ADAMTS7: variants seen among roughly 807,000 people sequenced by gnomAD.
The protein encoded by ADAMTS7 is ADAM metallopeptidase with thrombospondin type 1 motif 7, also known as A disintegrin and metalloproteinase with thrombospondin motifs 7.
A neutral mutation model predicts 172.6 loss-of-function variants in ADAMTS7; 89 were observed. The ratio of observed to expected loss-of-function variants is 0.52; its 90% CI spans 0.43 to 0.61. The LOEUF (loss-of-function observed/expected upper bound fraction) is 0.61. Ranked by LOEUF, ADAMTS7 falls within the 20% of genes least tolerant of loss-of-function variation. The pLI is 0.00. For synonymous variants in ADAMTS7, 885 were observed against 978.4 expected, an observed-to-expected ratio of 0.90 and a Z score of 1.78; for missense variants, 1,973 against 2,355.6, an observed-to-expected ratio of 0.84 and a Z score of 3.36.
chr15:78,797,880 T>C, intron 3 of ADAMTS7, 68 bp downstream of exon 3: 1 of 1,538,064 alleles, frequency 6.5e-7, no homozygotes, highest in Non-Finnish European at 8.7e-7. Context: ...TAAGGGGGGC[T>C]TCTAGAAAGG....
chr15:78,797,748 T>G (rs1485764192), intron 3 of ADAMTS7, among the ~76,000 whole-genome samples, 200 bp downstream of exon 3: 1 of 152,134 alleles, frequency 6.6e-6, no homozygotes, highest in East Asian at 1.9e-4. Flanking sequence ...GGGGATTGAC[T>G]GGGGCAGGCC....
chr15:78,764,212 T>A, intron 20 of ADAMTS7, 113 bp from the exon 21 acceptor site: 2 of 1,372,798 alleles, frequency 1.5e-6, no homozygotes, highest in Non-Finnish European at 1.9e-6. Context: ...CCCGGGGGAA[T>A]AGCTGAAGAA....
chr15:78,762,716 G>C (rs1472932573), intron 22 of ADAMTS7, 151 bp from the exon 23 acceptor site: 4 of 563,604 alleles, frequency 7.1e-6, no homozygotes, highest in African/African-American at 5.8e-5. Flanking sequence ...TGGAGCACCT[G>C]GTCCCATTCC....
At chr15:78,783,289 A>T (rs563708716) in intron 8 of ADAMTS7, among the ~76,000 whole-genome samples, 2 of 152,294 alleles carry the variant, frequency 1.3e-5, no homozygotes, top group Non-Finnish European at 2.9e-5. Context: ...CTTTTTTTTG[A>T]GACAGAGTCT....
chr15:78,777,636 A>C, intron 8 of ADAMTS7, 48 bp from the exon 9 acceptor site: 1 of 1,570,998 alleles, frequency 6.4e-7, no homozygotes, highest in Non-Finnish European at 8.6e-7. Context: ...TGTGAGACCC[A>C]TCGGAGAAGC....
Position 78,776,305 on chromosome 15 carries a change from A to C in ADAMTS7, c.1589T>G (p.Val530Gly). ...KWCLSGECVP[V>G]GFRPEAVDGG... ...ATCCACGGCCTCGGGCCGGAAGCCC[A>C]CGGGTACGCACTCCCCACTGAGACA... Residue 530 changes from valine (V) to glycine (G), a missense_variant, in exon 11 of 24, where the codon GTG becomes GGG. Val to Gly is a moderately radical substitution (Grantham distance 109). Transcript: ENST00000388820. 7 of 1,611,838 alleles carry C rather than the reference A, an allele frequency of 4.3e-6. No homozygotes were observed. Among genetic ancestry groups the C allele is most frequent in the Non-Finnish European group, 5.9e-6 (7 of 1,179,816 alleles).
intron 1 of ADAMTS7, among the ~76,000 whole-genome samples, chr15:78,808,544 CT>C (rs766832828): frequency 2.6e-5 from 4 of 152,152 alleles, no homozygotes; most frequent in Non-Finnish European, 5.9e-5. Flanking sequence ...CCAGCATTAC[CT>C]TTTTTTATAG....
chr15:78,800,473 A>G lies in ADAMTS7; in HGVS notation c.175T>C (p.Ser59Pro). 1 of 1,610,808 alleles carries G rather than the reference A, an allele frequency of 6.2e-7. No individual in the cohort carries two copies. Reference sequence around the variant, plus strand: ...AGTGCGCGGGGCCACAGCTCGTAGGACAGGAAGGAGCCCCCCGCGTCGACT... The same window carrying G: ...AGTGCGCGGGGCCACAGCTCGTAGGGCAGGAAGGAGCCCCCCGCGTCGACT... The part of the protein sequence containing the change: ...VRVDAGGSFL[S>P]YELWPRALRK... Residue 59 changes from serine to proline, a missense_variant, in exon 2 of 24, where the codon TCC (serine) becomes CCC (proline). Around this residue, in one of 8 missense-constraint regions of ADAMTS7, gnomAD observed 306 missense variants for 288.0 expected, o/e 1.06. Coordinates refer to ENST00000388820, the MANE Select transcript of ADAMTS7 (RefSeq NM_014272.5).
rs777410712 is a variant in ADAMTS7, at chr15:78,777,527, C to T, written c.1384G>A (p.Val462Met). The change falls in exon 9 of 24, where the codon GTG (valine) becomes ATG (methionine). Residue 462 changes from valine to methionine, a missense_variant. Physicochemically the swap from Val to Met is conservative, Grantham distance 21. Coordinates refer to ENST00000388820, the MANE Select transcript of ADAMTS7 (RefSeq NM_014272.5). ...ACATCATAGAGGACGCCAGGTGGCA[C>T]CGAGGGGAAGTCGATAATGTCCTTG... ...PAKDIIDFPS[V>M]PPGVLYDVSH... 1 of 1,610,700 alleles carries T rather than the reference C, an allele frequency of 6.2e-7. No individual in the cohort carries two copies. Among genetic ancestry groups the T allele is most frequent in the South Asian group, 1.1e-5 (1 of 90,162 alleles).
rs200303182 is a variant in ADAMTS7 at position 78,790,814 on chromosome 15, C to A, written c.904-20G>T. 6.2e-7 allele frequency: 1 copy of A among 1,611,882 alleles called. No homozygotes were observed. The highest frequency in any genetic ancestry group is 1.3e-5 in the African/African-American group (1 of 74,878). ...GTCCTCCTGGGGGCAGAGAGAGTGACTGCTCATGCCTCCCCTGAGTTCCAA... is the reference window on the plus strand; with the variant it reads ...GTCCTCCTGGGGGCAGAGAGAGTGAATGCTCATGCCTCCCCTGAGTTCCAA... On this transcript the variant is annotated intron_variant, in intron 5 of 23. Transcript: ENST00000388820.
At chr15:78,772,971 C>CA in intron 14 of ADAMTS7, 112 bp downstream of exon 14, 2 of 1,376,204 alleles carry the variant, frequency 1.5e-6, no homozygotes, top group Non-Finnish European at 2.0e-6. Flanking sequence ...CCTGCTTAGC[C>CA]ATCTCCAGGC....
At chr15:78,760,127 C>G (rs1468643297) in intron 23 of ADAMTS7, among the ~76,000 whole-genome samples, 1 of 151,750 alleles carries the variant, frequency 6.6e-6, no homozygotes, top group African/African-American at 2.4e-5. Flanking sequence ...TCCCACTTCT[C>G]AGGTGGGCCA....
chr15:78,790,961 G>A (rs1289293688), intron 5 of ADAMTS7, among the ~76,000 whole-genome samples, 167 bp from the exon 6 acceptor site: 1 of 152,204 alleles, frequency 6.6e-6, no homozygotes, highest in Non-Finnish European at 1.5e-5. Flanking sequence ...GGAACCTCCT[G>A]CAGAGGACCT....
In ADAMTS7 at chr15:78,763,730, C is replaced by A. The variant is rs1199263185; in HGVS notation, c.4709G>T (p.Cys1570Phe). 1.9e-6 allele frequency: 3 copies of A among 1,587,598 alleles called. No homozygotes were observed. Among genetic ancestry groups the A allele is most frequent in the Admixed American group, 1.7e-5 (1 of 58,946 alleles). The stretch of plus-strand genomic sequence containing the variant: ...CCAGGGCCCCACCACCCACTGCGTG[C>A]AGGGGTGGGTGTTGCAGGGCCGGGT... ...NTTRPCNTHP[C>F]TQWVVGPWGQ... The change falls in exon 22 of 24, where the codon TGC becomes TTC. Residue 1570 changes from cysteine (C) to phenylalanine (F), a missense_variant. Cys to Phe is a radical substitution (Grantham distance 205). This residue lies in a region of ADAMTS7 where 218 missense variants were observed against 216.9 expected (regional missense o/e 1.01). Coordinates refer to ENST00000388820, the MANE Select transcript of ADAMTS7 (RefSeq NM_014272.5).
chr15:78,792,670 C>T (rs143751972), intron 4 of ADAMTS7, among the ~76,000 whole-genome samples: 1,567 of 152,120 alleles, frequency 0.01, 29 homozygotes, highest in African/African-American at 0.036. Context: ...AAAATTAGCT[C>T]GGCATAGTGG....
intron 13 of ADAMTS7, among the ~76,000 whole-genome samples, chr15:78,773,630 G>A (rs374666443): frequency 6.6e-6 from 1 of 152,122 alleles, no homozygotes; most frequent in Non-Finnish European, 1.5e-5. Flanking sequence ...TAGAGGGCAA[G>A]AAGCAGGGAC....
intron 1 of ADAMTS7, among the ~76,000 whole-genome samples, chr15:78,806,112 ACACACACACACAC>A (rs2055786777): frequency 4.6e-5 from 1 of 21,704 alleles, no homozygotes; most frequent in South Asian, 1.9e-3. Flanking sequence ...ACACACACAC[ACACACACACACAC>A]ACAAAAAAAA....
intron 1 of ADAMTS7, among the ~76,000 whole-genome samples, chr15:78,806,127 CAAAAAA>C (rs1169680816): frequency 2.2e-3 from 52 of 23,252 alleles, no homozygotes; most frequent in African/African-American, 7.1e-3. Context: ...CACACACACA[CAAAAAA>C]AAAAAAAAAA....
chr15:78,762,744 T>C lies in ADAMTS7; in HGVS notation c.4741-179A>G, dbSNP rs556188790. Among the ~76,000 whole-genome samples the C allele has an allele frequency of 1.2e-3, 176 of 152,332 alleles. 3 individuals carry two copies. Among genetic ancestry groups the C allele is most frequent in the African/African-American group, 3.9e-3 (161 of 41,586 alleles). ...CCCATTCCTAGAGCCCACTTGGTGC[T>C]GGAACCCCACTCTCACTTGTGGGAT... On this transcript the variant is annotated intron_variant, in intron 22 of 23. Coordinates refer to ENST00000388820, the MANE Select transcript of ADAMTS7 (RefSeq NM_014272.5).
Sources: gnomAD v4.1 joint callset for allele counts (sites outside exome capture counted in the v4.1 genomes callset) on GRCh38, gnomAD v4.1.1 for gene constraint, gnomAD v4.1.1 regional missense constraint, MANE v1.5 for transcripts, NCBI Gene and HGNC (gene_info 2026-07-23, HGNC 2026-07-21) for gene names.